Variants in KCNIP4 observed in about 807,000 individuals in gnomAD.
KCNIP4 encodes the protein potassium voltage-gated channel interacting protein 4, also known as Kv channel-interacting protein 4.
Under a neutral mutation model 34.0 loss-of-function variants are expected in KCNIP4, and 12 were observed. The ratio of observed to expected loss-of-function variants is 0.35; its 90% confidence interval spans 0.23 to 0.57. KCNIP4 has a LOEUF of 0.57. Among genes scored for constraint, KCNIP4 ranks in the 20% least tolerant of loss-of-function variants. The pLI is 0.83. For missense variants in KCNIP4, 238 were observed against 311.7 expected (o/e 0.76, Z 1.78); for synonymous variants, 124 against 102.2 (o/e 1.21, Z -1.29).
chr4:21,733,211 C>T (rs1715737113), intron 1 of KCNIP4, among the ~76,000 whole-genome samples: 1 of 152,096 alleles, frequency 6.6e-6, no homozygotes, highest in South Asian at 2.1e-4. Flanking sequence ...AATTAATAAT[C>T]CTTTATATTC....
At chr4:21,493,943 T>C (rs2109867827) in intron 1 of KCNIP4, among the ~76,000 whole-genome samples, 1 of 152,332 alleles carries the variant, frequency 6.6e-6, no homozygotes, top group South Asian at 2.1e-4. Flanking sequence ...TAGAGAAGGT[T>C]TCATTTTCCA....
intron 1 of KCNIP4, among the ~76,000 whole-genome samples, chr4:21,626,275 G>A (rs754158788): frequency 2.0e-5 from 3 of 152,150 alleles, no homozygotes; most frequent in Admixed American, 6.6e-5. Context: ...GTGATGGTAC[G>A]TGGAGATGAA....
At position 21,679,598 on chromosome 4, in the gene KCNIP4, T is replaced by C. The variant is rs1359060278; in HGVS notation, c.61+268973A>G. Reference sequence around the variant, plus strand: ...CACTCTGTGCTCTTTCTCTTTGGAGTCTAGTAATACACTATCTGTTTTTCT... The same window carrying C: ...CACTCTGTGCTCTTTCTCTTTGGAGCCTAGTAATACACTATCTGTTTTTCT... On this transcript the variant is annotated intron_variant, in intron 1 of 8. Transcript: ENST00000382152. Among the ~76,000 whole-genome samples, 5 of 152,156 alleles carry C rather than the reference T, an allele frequency of 3.3e-5. No individual in the cohort carries two copies. In the East Asian group the frequency reaches 9.6e-4, roughly 29 times the overall value.
intron 1 of KCNIP4, among the ~76,000 whole-genome samples, chr4:21,391,186 A>G (rs1722526266): frequency 6.6e-6 from 1 of 152,154 alleles, no homozygotes; most frequent in Non-Finnish European, 1.5e-5. Flanking sequence ...AGTAATTTCT[A>G]TACTTAGTCA....
chr4:21,226,376 AAG>A, intron 1 of KCNIP4, among the ~76,000 whole-genome samples: 1 of 151,244 alleles, frequency 6.6e-6, no homozygotes, highest in East Asian at 1.9e-4. Flanking sequence ...GGAAGGAAGG[AAG>A]GAAGGAAATA....
At chr4:20,755,469 A>G (rs1754325014) in intron 4 of KCNIP4, among the ~76,000 whole-genome samples, 1 of 152,180 alleles carries the variant, frequency 6.6e-6, no homozygotes, top group African/African-American at 2.4e-5. Context: ...CATTCATGCA[A>G]AAAGCATTTA....
At chr4:20,974,442 G>A (rs1023840849) in intron 1 of KCNIP4, among the ~76,000 whole-genome samples, 1 of 151,928 alleles carries the variant, frequency 6.6e-6, no homozygotes, top group African/African-American at 2.4e-5. Flanking sequence ...TGAAATGGAG[G>A]AAGGGTGGCA....
rs563012247 is a variant in KCNIP4 at position 20,745,870 on chromosome 4, T to TA, written c.429+3791dup. Among the ~76,000 whole-genome samples the TA allele has an allele frequency of 1.1e-3, 175 of 152,286 alleles. 1 individual carries two copies. Among genetic ancestry groups the TA allele is most frequent in the African/African-American group, 3.9e-3 (164 of 41,556 alleles). On this transcript the variant is annotated intron_variant, in intron 5 of 8. Transcript: ENST00000382152. ...ATGATGCATTTGCATGTAGTTGCCT[T>TA]ACTGGGTAATGAGATGACCAATGTC...
rs77654259 is a variant in KCNIP4, at chr4:20,799,563, C to T, written c.289-40673G>A. On this transcript the variant is annotated intron_variant, in intron 3 of 8. Transcript: ENST00000382152. ...CCACCCATCTGAGCTGGTGAGATGT[C>T]CCACCTTTCCAGGGAATGAAGTCAT... is the stretch of plus-strand genomic sequence containing the variant. 2.9e-3 allele frequency among the ~76,000 whole-genome samples: 439 copies of T among 152,280 alleles called. 1 individual carries two copies. Among genetic ancestry groups the T allele is most frequent in the African/African-American group, 0.01 (425 of 41,564 alleles).
intron 1 of KCNIP4, among the ~76,000 whole-genome samples, chr4:20,937,297 C>T (rs567790749): frequency 2.1e-4 from 25 of 120,848 alleles, no homozygotes; most frequent in Non-Finnish European, 3.6e-4. Context: ...TACAGTTGCA[C>T]GATCTTGGCT....
At chr4:21,198,139 G>C (rs1756193066) in intron 1 of KCNIP4, among the ~76,000 whole-genome samples, 1 of 152,204 alleles carries the variant, frequency 6.6e-6, no homozygotes, top group Non-Finnish European at 1.5e-5. Context: ...GCATGTTGCA[G>C]ACACTTGTCA....
At chr4:21,595,252 T>G (rs1390128630) in intron 1 of KCNIP4, among the ~76,000 whole-genome samples, 2 of 152,196 alleles carry the variant, frequency 1.3e-5, no homozygotes, top group African/African-American at 4.8e-5. Flanking sequence ...TTTGGTTTTC[T>G]GTTCCTGTGA....
intron 1 of KCNIP4, among the ~76,000 whole-genome samples, chr4:21,833,419 C>T (rs1723117593): frequency 6.6e-6 from 1 of 152,024 alleles, no homozygotes; most frequent in African/African-American, 2.4e-5. Flanking sequence ...ATGTCCTTTG[C>T]CCACTTTTTG....
chr4:20,868,031 A>G (rs1025836213), intron 2 of KCNIP4, among the ~76,000 whole-genome samples: 4 of 152,090 alleles, frequency 2.6e-5, no homozygotes, highest in African/African-American at 4.8e-5. Context: ...TAATAAAAAA[A>G]AGAAGCTATC....
intron 1 of KCNIP4, among the ~76,000 whole-genome samples, chr4:21,650,194 G>C (rs1424558254): frequency 6.6e-6 from 1 of 152,150 alleles, no homozygotes; most frequent in East Asian, 1.9e-4. Context: ...ATGAAATTTT[G>C]CTTCTCACTA....
At chr4:21,599,015 C>T (rs1742878704) in intron 1 of KCNIP4, among the ~76,000 whole-genome samples, 1 of 152,088 alleles carries the variant, frequency 6.6e-6, no homozygotes, top group African/African-American at 2.4e-5. Flanking sequence ...TTAACTGTAT[C>T]ATCGCTGCAG....
At position 21,714,785 on chromosome 4, in the gene KCNIP4, G is replaced by GACTATTTT. The variant is rs939238600; in HGVS notation, c.61+233785_61+233786insAAAATAGT. On this transcript the variant is annotated intron_variant, in intron 1 of 8. Coordinates refer to ENST00000382152, the MANE Select transcript of KCNIP4 (RefSeq NM_025221.6). ...AAGAATGTGTTAGTAATTTCCCTTT[G>GACTATTTT]ATTATTTTATTTTATTTTATTTTAT... Among the ~76,000 whole-genome samples, 5 of 43,388 alleles carry GACTATTTT rather than the reference G, an allele frequency of 1.2e-4. 2 individuals are homozygous for GACTATTTT. The highest frequency in any genetic ancestry group is 8.0e-4 in the African/African-American group (4 of 5,002). The allele number at this position is 43,388 out of a possible 152,430, so 28.5% of individuals were successfully genotyped here.
intron 1 of KCNIP4, among the ~76,000 whole-genome samples, chr4:21,776,628 C>T (rs112877140): frequency 0.028 from 4,256 of 152,132 alleles, 190 homozygotes; most frequent in African/African-American, 0.097. Flanking sequence ...GGCTTTGTGT[C>T]CCCACCCAAA....
At chr4:21,558,918 A>G (rs1363564878) in intron 1 of KCNIP4, among the ~76,000 whole-genome samples, 1 of 152,168 alleles carries the variant, frequency 6.6e-6, no homozygotes, top group Non-Finnish European at 1.5e-5. Context: ...AAGTTACCAG[A>G]GCTTCATCAT....
Sources: gnomAD v4.1 joint callset for allele counts (sites outside exome capture counted in the v4.1 genomes callset) on GRCh38, gnomAD v4.1.1 for gene constraint, MANE v1.5 for transcripts, NCBI Gene and HGNC (gene_info 2026-07-23, HGNC 2026-07-21) for gene names.